Variants in GMDS observed in about 807,000 individuals in gnomAD.
GMDS encodes GDP-mannose 4,6 dehydratase.
GMDS carries 20 observed loss-of-function variants against 49.9 expected under a neutral mutation model. The ratio of observed to expected loss-of-function variants is 0.40; its 90% CI spans 0.28 to 0.58. GMDS has a LOEUF of 0.58. Ranked by LOEUF, GMDS falls within the 20% of genes least tolerant of loss-of-function variation. The pLI is 0.42. For synonymous variants in GMDS, 177 were observed against 178.6 expected, an observed-to-expected ratio of 0.99 and a Z score of 0.07; for missense variants, 362 against 481.4, an observed-to-expected ratio of 0.75 and a Z score of 2.32.
At chr6:1,807,261 C>T (rs1012615403) in intron 7 of GMDS, among the ~76,000 whole-genome samples, 4 of 152,144 alleles carry the variant, frequency 2.6e-5, no homozygotes, top group Non-Finnish European at 4.4e-5. Flanking sequence ...AGGCTGGTCT[C>T]GAACTCCTGG....
chr6:1,934,013 T>C (rs770127007), intron 6 of GMDS, among the ~76,000 whole-genome samples: 2 of 152,218 alleles, frequency 1.3e-5, no homozygotes, highest in African/African-American at 2.4e-5. Flanking sequence ...GTTTTTCTTC[T>C]TACATTTGAA....
intron 4 of GMDS, among the ~76,000 whole-genome samples, chr6:1,971,173 TC>T (rs1561935082): frequency 1.3e-5 from 2 of 152,086 alleles, no homozygotes; most frequent in African/African-American, 4.8e-5. Flanking sequence ...TATATGCCAG[TC>T]TATAGTTTGT....
At chr6:1,937,005 T>A (rs1448139213) in intron 6 of GMDS, among the ~76,000 whole-genome samples, 1 of 150,882 alleles carries the variant, frequency 6.6e-6, no homozygotes, top group African/African-American at 2.4e-5. Context: ...AGCTGCCCAA[T>A]ACAGGCATAT....
chr6:1,851,729 TAAAAGAAAA>T (rs1757683036), intron 7 of GMDS, among the ~76,000 whole-genome samples: 1 of 151,970 alleles, frequency 6.6e-6, no homozygotes, highest in Non-Finnish European at 1.5e-5. Context: ...ATAATAATTT[TAAAAGAAAA>T]AAAAGAAAAG....
At chr6:1,792,215 C>A (rs1025337150) in intron 7 of GMDS, among the ~76,000 whole-genome samples, 1 of 151,896 alleles carries the variant, frequency 6.6e-6, no homozygotes, top group Admixed American at 6.6e-5. Flanking sequence ...AAAAACCCAT[C>A]CCCTTTCCCC....
At position 2,195,465 on chromosome 6, in the gene GMDS, G is replaced by A. The variant is rs1232312945; in HGVS notation, c.102+49856C>T. Among the ~76,000 whole-genome samples, 6 of 151,996 alleles carry A rather than the reference G, an allele frequency of 3.9e-5. No homozygotes were observed. In the East Asian group the frequency reaches 1.2e-3, roughly 29 times the overall value. ...TGTGATAATTTTCTTGAACTTTGCTGCATATATATTCTAAAGTAAAGCAAA... is the reference window on the plus strand; with the variant it reads ...TGTGATAATTTTCTTGAACTTTGCTACATATATATTCTAAAGTAAAGCAAA... On this transcript the variant is annotated intron_variant, in intron 1 of 10. Coordinates refer to ENST00000380815, the MANE Select transcript of GMDS (RefSeq NM_001500.4).
intron 1 of GMDS, among the ~76,000 whole-genome samples, chr6:2,145,205 A>G (rs767193938): frequency 2.0e-5 from 3 of 152,184 alleles, no homozygotes; most frequent in Non-Finnish European, 4.4e-5. Context: ...AACATTTAGT[A>G]CCCAAAACAC....
chr6:1,931,400 C>A (rs1040503841), intron 6 of GMDS, among the ~76,000 whole-genome samples: 2 of 152,212 alleles, frequency 1.3e-5, no homozygotes, highest in African/African-American at 4.8e-5. Context: ...AAACTTGATA[C>A]GTACATTTAT....
At chr6:2,150,975 T>G (rs1437048608) in intron 1 of GMDS, among the ~76,000 whole-genome samples, 1 of 152,162 alleles carries the variant, frequency 6.6e-6, no homozygotes, top group Non-Finnish European at 1.5e-5. Context: ...TAGAAATGCC[T>G]GAACTATTAG....
intron 9 of GMDS, among the ~76,000 whole-genome samples, chr6:1,673,382 A>T (rs61051929): frequency 8.4e-4 from 116 of 138,644 alleles, no homozygotes; most frequent in African/African-American, 2.9e-3. Flanking sequence ...TTTTTTTTTT[A>T]AATAGACTTA....
intron 7 of GMDS, among the ~76,000 whole-genome samples, chr6:1,767,897 C>T (rs1768420330): frequency 6.6e-6 from 1 of 152,056 alleles, no homozygotes; most frequent in Non-Finnish European, 1.5e-5. Context: ...CGGCTCTAAG[C>T]TGCTGTAGAA....
At chr6:2,002,614 T>C (rs1401034887) in intron 4 of GMDS, among the ~76,000 whole-genome samples, 1 of 152,200 alleles carries the variant, frequency 6.6e-6, no homozygotes, top group Non-Finnish European at 1.5e-5. Flanking sequence ...AACTTAAATA[T>C]TGAAGAAGGT....
intron 1 of GMDS, among the ~76,000 whole-genome samples, chr6:2,242,853 C>T (rs1042926797): frequency 6.6e-6 from 1 of 152,106 alleles, no homozygotes; most frequent in Non-Finnish European, 1.5e-5. Context: ...TCAGTAAGTT[C>T]TCAGCCAATA....
At chr6:2,198,088 T>C (rs947066984) in intron 1 of GMDS, among the ~76,000 whole-genome samples, 1 of 152,164 alleles carries the variant, frequency 6.6e-6, no homozygotes. Flanking sequence ...TGTGAACGAA[T>C]GATGGGAAAG....
chr6:1,691,570 T>A (rs1005650192), intron 9 of GMDS, among the ~76,000 whole-genome samples: 3 of 152,198 alleles, frequency 2.0e-5, no homozygotes, highest in Non-Finnish European at 2.9e-5. Flanking sequence ...TATACCAGTC[T>A]TGGTTCAAAA....
chr6:2,230,115 G>A (rs1781017137), intron 1 of GMDS, among the ~76,000 whole-genome samples: 1 of 152,108 alleles, frequency 6.6e-6, no homozygotes, highest in Admixed American at 6.5e-5. Flanking sequence ...AGAGTCCACA[G>A]TTGACTTCCT....
At chr6:1,815,141 C>T (rs1770604524) in intron 7 of GMDS, among the ~76,000 whole-genome samples, 1 of 152,154 alleles carries the variant, frequency 6.6e-6, no homozygotes, top group South Asian at 2.1e-4. Flanking sequence ...GGGCTCCACT[C>T]TGTGTTCAAA....
intron 7 of GMDS, among the ~76,000 whole-genome samples, chr6:1,811,580 A>T (rs1286883239): frequency 2.9e-5 from 4 of 135,760 alleles, no homozygotes; most frequent in Non-Finnish European, 4.6e-5. Flanking sequence ...TTTTCAACTG[A>T]AGCCCTTCAC....
At chr6:1,683,053 C>A (rs7771005) in intron 9 of GMDS, among the ~76,000 whole-genome samples, 2 of 152,098 alleles carry the variant, frequency 1.3e-5, no homozygotes, top group Non-Finnish European at 2.9e-5. Flanking sequence ...CTCACTATGC[C>A]GACGTCGACA....
Sources: gnomAD v4.1 joint callset for allele counts (sites outside exome capture counted in the v4.1 genomes callset) on GRCh38, gnomAD v4.1.1 for gene constraint, MANE v1.5 for transcripts, NCBI Gene and HGNC (gene_info 2026-07-23, HGNC 2026-07-21) for gene names.